Variants in PIGF observed in about 807,000 individuals in gnomAD.
PIGF encodes the protein phosphatidylinositol glycan anchor biosynthesis class F, also known as GPI ethanolamine phosphate transferase, stabilizing subunit.
Under a neutral mutation model 26.0 loss-of-function variants are expected in PIGF, and 23 were observed. The ratio of observed to expected loss-of-function variants is 0.88; its 90% CI spans 0.64 to 1.25. The LOEUF (loss-of-function observed/expected upper bound fraction) is 1.25, where lower values mean the gene tolerates loss of function less well. Among genes scored for constraint, PIGF ranks in the 50% most tolerant of loss-of-function variants. PIGF has a pLI of 0.00. For synonymous variants in PIGF, 93 were observed against 92.6 expected, an observed-to-expected ratio of 1.00 and a Z score of -0.03; for missense variants, 278 against 249.9, an observed-to-expected ratio of 1.11 and a Z score of -0.76.
chr2:46,596,836 T>G (rs927553628), intron 4 of PIGF, among the ~76,000 whole-genome samples: 25 of 152,188 alleles, frequency 1.6e-4, no homozygotes, highest in African/African-American at 5.8e-4. Context: ...TTCAACCGAA[T>G]CAATAGTAAT....
chr2:46,602,106 A>T (rs1670078318), intron 4 of PIGF, among the ~76,000 whole-genome samples: 1 of 151,964 alleles, frequency 6.6e-6, no homozygotes, highest in African/African-American at 2.4e-5. Flanking sequence ...ATATTATTTA[A>T]TAAGTATACC....
rs1670445004 is a variant in PIGF at position 46,612,286 on chromosome 2, A to C, written c.379T>G (p.Cys127Gly). 6.7e-7 allele frequency: 1 copy of C among 1,495,122 alleles called. No homozygotes were observed. Among genetic ancestry groups the C allele is most frequent in the South Asian group, 1.4e-5 (1 of 73,896 alleles). 92.6% of individuals were successfully genotyped at this position (1,495,122 alleles called of 1,614,324 possible). ...VILSTFTTVP[C>G]LCLLGPNLKA... ...AGGTTTGGTCCTAACAAACATAAGCAAGGCACAGTAGTAAAAGTAGACAAA... is the reference window on the plus strand; with the variant it reads ...AGGTTTGGTCCTAACAAACATAAGCCAGGCACAGTAGTAAAAGTAGACAAA... The change falls in exon 4 of 6, where the codon TGC becomes GGC. Residue 127 changes from cysteine (C) to glycine (G), a missense_variant. Transcript: ENST00000281382.
chr2:46,596,058 C>G (rs1354707192), intron 4 of PIGF, among the ~76,000 whole-genome samples: 1 of 151,790 alleles, frequency 6.6e-6, no homozygotes, highest in Non-Finnish European at 1.5e-5. Context: ...ACTAAAAATA[C>G]AAAAAATTAG....
rs974870625 is a variant in PIGF at position 46,591,887 on chromosome 2, C to T, written c.546+588G>A. 5 of 1,303,780 alleles carry T rather than the reference C, an allele frequency of 3.8e-6. No individual in the cohort carries two copies. In the African/African-American group the frequency reaches 7.6e-5, roughly 20 times the overall value. The allele number at this position is 1,303,780 out of a possible 1,614,324, so 80.8% of individuals were successfully genotyped here. On this transcript the variant is annotated intron_variant, in intron 5 of 5. Coordinates refer to ENST00000281382, the MANE Select transcript of PIGF (RefSeq NM_002643.4). ...TGATGTTTGTGAGCTTTCTTGATAA[C>T]ACAGGCCGCTGCTGCAAAAATTACC... is the stretch of plus-strand genomic sequence containing the variant.
At chr2:46,611,618 C>T (rs1315746248) in intron 4 of PIGF, among the ~76,000 whole-genome samples, 1 of 151,906 alleles carries the variant, frequency 6.6e-6, no homozygotes, top group Non-Finnish European at 1.5e-5. Flanking sequence ...ATCAAATAAC[C>T]TTCTGGCTTT....
rs747263045 is a variant in PIGF, at chr2:46,598,529, A to ATTTTTTTTTTTTTTTTTTTT, written c.438-5966_438-5947dup. 1.1e-3 allele frequency among the ~76,000 whole-genome samples: 115 copies of ATTTTTTTTTTTTTTTTTTTT among 103,496 alleles called. 12 individuals are homozygous for ATTTTTTTTTTTTTTTTTTTT. The highest frequency in any genetic ancestry group is 4.7e-3 in the African/African-American group (105 of 22,390). The allele number at this position is 103,496 out of a possible 152,430, so 67.9% of individuals were successfully genotyped here. A position where few individuals can be genotyped will look rare whatever the true frequency, so the allele number is the denominator to read the frequency against. Reference sequence around the variant, plus strand: ...ATAAACTTTCTTAAAACATTATGAGATTTTTTTTTTTTTTTTTTTTTTTTA... The same window carrying ATTTTTTTTTTTTTTTTTTTT: ...ATAAACTTTCTTAAAACATTATGAGATTTTTTTTTTTTTTTTTTTTTTTTTTTTTTTTTTTTTTTTTTTTA... On this transcript the variant is annotated intron_variant, in intron 4 of 5. Transcript: ENST00000281382.
Position 46,592,537 on chromosome 2 carries a change from T to C in PIGF, c.484A>G (p.Ser162Gly), listed in dbSNP as rs771621600. Residue 162 changes from serine to glycine, a missense_variant, in exon 5 of 6, where the codon AGC becomes GGC. Transcript: ENST00000281382. Reference sequence around the variant, plus strand: ...GCTCCAAGCCATGCTCCTACAAAGCTAGAAATTGTAGTGATCTGGAGACTA... The same window carrying C: ...GCTCCAAGCCATGCTCCTACAAAGCCAGAAATTGTAGTGATCTGGAGACTA... ...ENSLQITTIS[S>G]FVGAWLGALP... The C allele has an allele frequency of 1.2e-6, 2 of 1,608,870 alleles. No homozygotes were observed. Among genetic ancestry groups the C allele is most frequent in the Non-Finnish European group, 1.7e-6 (2 of 1,175,180 alleles).
intron 4 of PIGF, among the ~76,000 whole-genome samples, chr2:46,602,501 A>C (rs942001251): frequency 1.6e-4 from 24 of 151,902 alleles, no homozygotes; most frequent in African/African-American, 5.3e-4. Flanking sequence ...ATATCATGCC[A>C]ATTCAAAATT....
intron 4 of PIGF, among the ~76,000 whole-genome samples, chr2:46,594,976 G>A (rs920876218): frequency 6.6e-6 from 1 of 151,002 alleles, no homozygotes; most frequent in African/African-American, 2.4e-5. Flanking sequence ...TCAGCCTCCC[G>A]AATAGCTGGG....
chr2:46,613,702 T>A lies in PIGF; in HGVS notation c.312A>T (p.Pro104=). 1 of 1,542,158 alleles carries A rather than the reference T, an allele frequency of 6.5e-7. No individual in the cohort carries two copies. Among genetic ancestry groups the A allele is most frequent in the Non-Finnish European group, 8.8e-7 (1 of 1,131,704 alleles). ...AAAAATTTCAAACTTACTCTATCAG[T>A]GGTGCTCCATACAGAACAAAAATTA... ...FHVIFVLYGA[P]LIELALETFL... Residue 104 remains proline, a synonymous_variant, in exon 3 of 6, where the codon CCA becomes CCT. Coordinates refer to ENST00000281382, the MANE Select transcript of PIGF (RefSeq NM_002643.4).
rs541951074 is a variant in PIGF, at chr2:46,614,938, T to C, written c.227A>G (p.Lys76Arg). ...TSSKRSSLSH[K>R]VTGFLKCCIY... Reference sequence around the variant, plus strand: ...CAGTTATTGAGACATAAGCCTTACCTTGTGTGATAATGAACTTCTTTTAGA... The same window carrying C: ...CAGTTATTGAGACATAAGCCTTACCCTGTGTGATAATGAACTTCTTTTAGA... The change falls in exon 2 of 6, where the codon AAG becomes AGG. Residue 76 changes from lysine (K) to arginine (R), a missense_variant and splice_region_variant. Lys to Arg is a conservative substitution (Grantham distance 26, BLOSUM62 2). Transcript: ENST00000281382. 7 of 1,386,468 alleles carry C rather than the reference T, an allele frequency of 5.0e-6. No individual in the cohort carries two copies. The African/African-American group carries it at 8.5e-5, about 17-fold the overall frequency. 85.9% of individuals were successfully genotyped at this position (1,386,468 alleles called of 1,614,324 possible).
At chr2:46,597,146 T>C (rs748661144) in intron 4 of PIGF, among the ~76,000 whole-genome samples, 1 of 152,184 alleles carries the variant, frequency 6.6e-6, no homozygotes, top group Non-Finnish European at 1.5e-5. Flanking sequence ...ACGAGCATCT[T>C]GTGAATTCCC....
intron 5 of PIGF, chr2:46,582,999 G>A (rs1005477244): frequency 2.6e-5 from 4 of 151,820 alleles, no homozygotes; most frequent in African/African-American, 9.7e-5. Flanking sequence ...ATTTAATTTT[G>A]GTCTGCTTAT....
chr2:46,598,986 T>G (rs1358684982), intron 4 of PIGF, among the ~76,000 whole-genome samples: 1 of 152,170 alleles, frequency 6.6e-6, no homozygotes, highest in East Asian at 1.9e-4. Context: ...AAAATGTCAG[T>G]ACCATTTTCC....
In PIGF at chr2:46,612,037, G is replaced by A. The variant is rs141051955; in HGVS notation, c.437+191C>T. Among the ~76,000 whole-genome samples the A allele has an allele frequency of 7.4e-3, 1,119 of 151,616 alleles. 7 individuals are homozygous for A. The highest frequency in any genetic ancestry group is 0.012 in the Admixed American group (176 of 15,216). ...AAAAAGGAGAGCTGATCTTGCTAAC[G>A]TGGAGGGAGGGGCTTGTAGTTCTGC... On this transcript the variant is annotated intron_variant, in intron 4 of 5. Coordinates refer to ENST00000281382, the MANE Select transcript of PIGF (RefSeq NM_002643.4).
intron 4 of PIGF, among the ~76,000 whole-genome samples, chr2:46,595,653 A>C (rs949219463): frequency 1.3e-5 from 2 of 152,200 alleles, no homozygotes; most frequent in Admixed American, 6.5e-5. Flanking sequence ...AAACTCTTAT[A>C]TTTAATCACT....
intron 4 of PIGF, among the ~76,000 whole-genome samples, chr2:46,592,951 A>G (rs562956993): frequency 9.4e-4 from 143 of 152,294 alleles, no homozygotes; most frequent in African/African-American, 3.2e-3. Context: ...ACAAATACAC[A>G]CATAATTTTG....
At position 46,589,520 on chromosome 2, in the gene PIGF, T is replaced by C. The variant is rs369249686; in HGVS notation, c.546+2955A>G. Among the ~76,000 whole-genome samples the C allele has an allele frequency of 1.3e-5, 2 of 151,800 alleles. No individual in the cohort carries two copies. Among genetic ancestry groups the C allele is most frequent in the African/African-American group, 4.8e-5 (2 of 41,362 alleles). ...TGTGTGTGTGTGTGCATGTGTGTGT[T>C]TTTAAAGGTACAATTGCTTAACCAG... is the stretch of plus-strand genomic sequence containing the variant. On this transcript the variant is annotated intron_variant, in intron 5 of 5. Transcript: ENST00000281382. The surrounding 1 kb of genome is among the most constrained non-coding windows in gnomAD (Gnocchi z 4.7).
Position 46,591,787 on chromosome 2 carries a change from T to TA in PIGF, c.546+687dup. 3 of 1,255,180 alleles carry TA rather than the reference T, an allele frequency of 2.4e-6. No homozygotes were observed. In the South Asian group the frequency reaches 4.0e-5, roughly 17 times the overall value. 77.8% of individuals were successfully genotyped at this position (1,255,180 alleles called of 1,614,324 possible). A position where few individuals can be genotyped will look rare whatever the true frequency, so the allele number is the denominator to read the frequency against. ...AGTTTCCTCATCTGTAAAATGGGTA[T>TA]AAAAAGAGCACTTACCTCACAGTGC... is the stretch of plus-strand genomic sequence containing the variant. On this transcript the variant is annotated intron_variant, in intron 5 of 5. Transcript: ENST00000281382.
Sources: gnomAD v4.1 joint callset for allele counts (sites outside exome capture counted in the v4.1 genomes callset) on GRCh38, gnomAD v4.1.1 for gene constraint, Gnocchi (gnomAD v3.1) non-coding constraint, MANE v1.5 for transcripts, NCBI Gene and HGNC (gene_info 2026-07-23, HGNC 2026-07-21) for gene names.